MARF1: variants seen among roughly 807,000 people sequenced by gnomAD.
MARF1 encodes limkain-b1.
A neutral mutation model predicts 168.2 loss-of-function variants in MARF1; 24 were observed. The ratio of observed to expected loss-of-function variants is 0.14; its 90% CI spans 0.10 to 0.20. The LOEUF (loss-of-function observed/expected upper bound fraction) is 0.20. Ranked by LOEUF, MARF1 falls within the 10% of genes least tolerant of loss-of-function variation. MARF1 has a pLI of 1.00. For missense variants in MARF1, 1,744 were observed against 2,143.6 expected (o/e 0.81, Z 3.68); for synonymous variants, 868 against 822.4 (o/e 1.06, Z -0.95).
intron 16 of MARF1, among the ~76,000 whole-genome samples, chr16:15,614,724 C>A (rs956211714): frequency 1.3e-5 from 2 of 151,670 alleles, no homozygotes; most frequent in African/African-American, 4.8e-5. Context: ...ACTCAGGAGG[C>A]GGAGCTTGCA....
chr16:15,601,475 CT>C, intron 23 of MARF1: 1 of 223,260 alleles, frequency 4.5e-6, no homozygotes, highest in Non-Finnish European at 9.1e-6. Flanking sequence ...GAGCCACGCC[CT>C]CCCTAACCGA....
At chr16:15,641,234 C>T (rs530633525) in intron 1 of MARF1, among the ~76,000 whole-genome samples, 1 of 152,190 alleles carries the variant, frequency 6.6e-6, no homozygotes, top group African/African-American at 2.4e-5. Flanking sequence ...TCTCTTGTGC[C>T]AACCAAAATG....
chr16:15,600,525 A>G lies in MARF1; in HGVS notation c.4716T>C (p.Pro1572=). ...KSRLSSLSLS[P]ANHENQPSEG... Reference sequence around the variant, plus strand: ...CCGAGGGCTGGTTTTCATGATTGGCAGGGGAGAGACTGAGTGAACTCAAAC... The same window carrying G: ...CCGAGGGCTGGTTTTCATGATTGGCGGGGGAGAGACTGAGTGAACTCAAAC... Residue 1572 remains proline (P), a synonymous_variant, in exon 25 of 27, where the codon CCT becomes CCC. Transcript: ENST00000396368. 1 of 1,614,170 alleles carries G rather than the reference A, an allele frequency of 6.2e-7. No homozygotes were observed.
chr16:15,623,161 CTG>C, intron 10 of MARF1, 38 bp from the exon 11 acceptor site: 1 of 1,477,930 alleles, frequency 6.8e-7, no homozygotes, highest in Non-Finnish European at 9.2e-7. Context: ...TTTTAAAAAA[CTG>C]TTCTGTATAT....
intron 12 of MARF1, among the ~76,000 whole-genome samples, chr16:15,620,734 T>C (rs746903845): frequency 3.3e-5 from 5 of 152,176 alleles, no homozygotes; most frequent in African/African-American, 1.2e-4. Context: ...ACAGTAGAAT[T>C]AGTATCAATC....
At chr16:15,618,351 C>G (rs538896896) in intron 13 of MARF1, among the ~76,000 whole-genome samples, 3 of 152,208 alleles carry the variant, frequency 2.0e-5, no homozygotes, top group Non-Finnish European at 4.4e-5. Flanking sequence ...GAGACACACT[C>G]TCCCTTGTAC....
chr16:15,596,453 A>C lies in MARF1; in HGVS notation c.*240T>G, dbSNP rs890361787. ...TGGTAAAATATATTAAGGATTCTTT[A>C]ACAAATGCCACAAGTTCTTCAAATA... On this transcript the variant is annotated 3_prime_UTR_variant, in exon 27 of 27. Coordinates refer to ENST00000396368, the MANE Select transcript of MARF1 (RefSeq NM_014647.4). 1 of 360,660 alleles carries C rather than the reference A, an allele frequency of 2.8e-6. No individual in the cohort carries two copies. The highest frequency in any genetic ancestry group is 2.1e-5 in the African/African-American group (1 of 47,926). 22.3% of individuals were successfully genotyped at this position (360,660 alleles called of 1,614,324 possible).
At chr16:15,608,592 T>A (rs1435157665) in intron 20 of MARF1, 74 bp from the exon 21 acceptor site, 3 of 1,055,060 alleles carry the variant, frequency 2.8e-6, no homozygotes, top group Admixed American at 4.5e-5. Flanking sequence ...AAAAAAAGTA[T>A]GCAGCTAGTA....
chr16:15,639,030 G>A, intron 2 of MARF1, 60 bp downstream of exon 2: 1 of 1,529,744 alleles, frequency 6.5e-7, no homozygotes, highest in Admixed American at 2.0e-5. Flanking sequence ...AGACCAAATG[G>A]ACCTCTCTCA....
intron 16 of MARF1, among the ~76,000 whole-genome samples, chr16:15,613,773 T>C (rs2033800010): frequency 6.6e-6 from 1 of 152,102 alleles, no homozygotes; most frequent in Non-Finnish European, 1.5e-5. Flanking sequence ...CTATGGCCCC[T>C]GAGAAGTCTA....
intron 7 of MARF1, among the ~76,000 whole-genome samples, chr16:15,628,487 G>A (rs2035027881): frequency 6.6e-6 from 1 of 151,356 alleles, no homozygotes; most frequent in South Asian, 2.1e-4. Context: ...TCGGCTTACT[G>A]CAACCTCCAC....
Position 15,611,659 on chromosome 16 carries a change from G to A in MARF1, c.3550C>T (p.Leu1184=). 2 of 1,614,082 alleles carry A rather than the reference G, an allele frequency of 1.2e-6. No homozygotes were observed. Among genetic ancestry groups the A allele is most frequent in the Non-Finnish European group, 8.5e-7 (1 of 1,179,974 alleles). ...CTGGCCTGGGATTTGAGAAGTTTTA[G>A]TAAATCCTGAGTAAAGCGCTTCACC... ...AQVKRFTQDL[L]KLLKSQASKQ... is the part of the protein sequence containing the mutation. Residue 1184 remains leucine (L), a synonymous_variant, in exon 18 of 27, where the codon CTA becomes TTA. Transcript: ENST00000396368.
Position 15,602,119 on chromosome 16 carries a change from T to A in MARF1, c.4498A>T (p.Thr1500Ser), listed in dbSNP as rs1168987574. The A allele has an allele frequency of 1.9e-6, 3 of 1,614,138 alleles. No homozygotes were observed. The East Asian group carries it at 6.7e-5, about 36-fold the overall frequency. Residue 1500 changes from threonine to serine, a missense_variant, in exon 23 of 27, where the codon ACT becomes TCT. Thr to Ser is a moderately conservative substitution (Grantham distance 58, BLOSUM62 1). Transcript: ENST00000396368. ...AGGAAAATCTGCTGGTAGTGGTAAG[T>A]ATGAAGTAAAGACCGCACATTCTTT... ...FAKNVRSLLH[T>S]YHYQQIFLHE...
At position 15,634,899 on chromosome 16, in the gene MARF1, T is replaced by C. The variant is rs1405254951; in HGVS notation, c.864A>G (p.Lys288=). The change falls in exon 4 of 27, where the codon AAA becomes AAG. Residue 288 remains lysine (K), a synonymous_variant. Transcript: ENST00000396368. ...PARNSIIDAA[K]VWPNIPPPNT... ...TTGGAGGTGGTATATTTGGCCAGAC[T>C]TTAGCCGCATCGATTATGCTATTTC... is the stretch of plus-strand genomic sequence containing the variant. The C allele has an allele frequency of 3.1e-6, 5 of 1,613,794 alleles. No homozygotes were observed. Among genetic ancestry groups the C allele is most frequent in the Non-Finnish European group, 4.2e-6 (5 of 1,179,910 alleles).
rs2034152204 is a variant in MARF1, at chr16:15,617,516, C to G, written c.2740G>C (p.Val914Leu). 1.2e-6 allele frequency: 2 copies of G among 1,611,404 alleles called. No individual in the cohort carries two copies. The highest frequency in any genetic ancestry group is 1.7e-5 in the Admixed American group (1 of 59,824). The change falls in exon 14 of 27, where the codon GTG (valine) becomes CTG (leucine). Residue 914 changes from valine to leucine, a missense_variant. Physicochemically the swap from Val to Leu is conservative, Grantham distance 32. Transcript: ENST00000396368. ...YEKKFGHKLN[V>L]SDLYKLTDTV... The stretch of plus-strand genomic sequence containing the variant: ...TCTGTTAATTTATATAGATCTGACA[C>G]ATTCAACTTGTGTCCAAACCTAAAA...
At chr16:15,613,965 G>A (rs1229736337) in intron 16 of MARF1, among the ~76,000 whole-genome samples, 1 of 152,168 alleles carries the variant, frequency 6.6e-6, no homozygotes, top group African/African-American at 2.4e-5. Flanking sequence ...TACACAGGAA[G>A]GCAACAAGTA....
chr16:15,642,476 A>C (rs1038112182), intron 1 of MARF1: 2 of 152,230 alleles, frequency 1.3e-5, no homozygotes, highest in African/African-American at 4.8e-5. Context: ...AGAAGTCCAA[A>C]AGACACAAAT....
chr16:15,609,370 T>G (rs1313100631), intron 20 of MARF1, among the ~76,000 whole-genome samples, 153 bp downstream of exon 20: 2 of 151,998 alleles, frequency 1.3e-5, no homozygotes, highest in African/African-American at 4.8e-5. Flanking sequence ...TACTAATGAG[T>G]CAGGAATATG....
intron 21 of MARF1, among the ~76,000 whole-genome samples, chr16:15,605,554 C>T (rs2032937501): frequency 6.6e-6 from 1 of 152,238 alleles, no homozygotes; most frequent in Non-Finnish European, 1.5e-5. Flanking sequence ...CCACCCAGAC[C>T]CCCACCATCA....
Sources: allele counts gnomAD v4.1 joint callset (sites outside exome capture counted in the v4.1 genomes callset), GRCh38; gene constraint gnomAD v4.1.1; transcripts MANE v1.5; gene names NCBI Gene and HGNC (gene_info 2026-07-23, HGNC 2026-07-21).